Variants in PIP5K1A observed in about 807,000 individuals in gnomAD.
PIP5K1A encodes phosphatidylinositol-4-phosphate 5-kinase type 1 alpha, also known as phosphatidylinositol 4-phosphate 5-kinase type-1 alpha.
A neutral mutation model predicts 72.9 loss-of-function variants in PIP5K1A; 46 were observed. The observed-to-expected ratio is 0.63, with a 90% confidence interval of 0.50 to 0.81. PIP5K1A has a LOEUF of 0.81. Ranked by LOEUF, PIP5K1A falls within the 30% of genes least tolerant of loss-of-function variation. The pLI is 0.00. For synonymous variants in PIP5K1A, 228 were observed against 255.1 expected (o/e 0.89, Z 1.01); for missense variants, 458 against 706.1 (o/e 0.65, Z 3.98).
chr1:151,215,898 T>G, intron 1 of PIP5K1A: 3 of 890,660 alleles, frequency 3.4e-6, no homozygotes, highest in Non-Finnish European at 4.9e-6. Flanking sequence ...ACATGTATGC[T>G]TATCATGCTG....
Position 151,247,877 on chromosome 1 carries a change from C to T in PIP5K1A, c.*12C>T, listed in dbSNP as rs1692744794. The T allele has an allele frequency of 6.2e-7, 1 of 1,609,482 alleles. No individual in the cohort carries two copies. Among genetic ancestry groups the T allele is most frequent in the Non-Finnish European group, 8.5e-7 (1 of 1,175,976 alleles). Reference sequence around the variant, plus strand: ...TCCCTTTTCAGTAAGCGCAAAGCCTCAGAAGACCTGGAACAAGATTCTGCC... The same window carrying T: ...TCCCTTTTCAGTAAGCGCAAAGCCTTAGAAGACCTGGAACAAGATTCTGCC... On this transcript the variant is annotated 3_prime_UTR_variant, in exon 16 of 16. Coordinates refer to ENST00000368888, the MANE Select transcript of PIP5K1A (RefSeq NM_001135638.2).
At chr1:151,229,030 C>T (rs1244546170) in intron 4 of PIP5K1A, among the ~76,000 whole-genome samples, 1 of 151,144 alleles carries the variant, frequency 6.6e-6, no homozygotes, top group Non-Finnish European at 1.5e-5. Context: ...TAGCTGGGCG[C>T]GGTGGTGGGC....
chr1:151,246,757 C>T (rs1208349762), intron 14 of PIP5K1A, among the ~76,000 whole-genome samples, 163 bp from the exon 15 acceptor site: 1 of 152,174 alleles, frequency 6.6e-6, no homozygotes, highest in East Asian at 1.9e-4. Context: ...TTAATTAAAA[C>T]AGTGTGCTTC....
intron 4 of PIP5K1A, among the ~76,000 whole-genome samples, chr1:151,229,923 A>AC (rs947133248): frequency 2.6e-5 from 4 of 151,682 alleles, no homozygotes; most frequent in African/African-American, 9.7e-5. Context: ...CTCTACTAAA[A>AC]AAAAAATACA....
chr1:151,226,979 A>G (rs1222735791), intron 3 of PIP5K1A, among the ~76,000 whole-genome samples: 1 of 152,170 alleles, frequency 6.6e-6, no homozygotes, highest in Non-Finnish European at 1.5e-5. Context: ...GTGAGCTGAG[A>G]TTGTGCCACC....
At chr1:151,196,665 C>T (rs1307270658), upstream of PIP5K1A, among the ~76,000 whole-genome samples, 6 of 150,528 alleles carry the variant, frequency 4.0e-5, no homozygotes, top group African/African-American at 1.5e-4. Context: ...ATCAATTCTC[C>T]TGCCTCAGCC....
intron 1 of PIP5K1A, among the ~76,000 whole-genome samples, chr1:151,207,593 G>A (rs1265618988): frequency 6.7e-6 from 1 of 150,230 alleles, no homozygotes; most frequent in African/African-American, 2.5e-5. Flanking sequence ...GTGCAGTGGC[G>A]TGATCTCGGC....
intron 1 of PIP5K1A, among the ~76,000 whole-genome samples, chr1:151,205,368 GT>G (rs1685786326): frequency 6.6e-6 from 1 of 151,992 alleles, no homozygotes; most frequent in Non-Finnish European, 1.5e-5. Flanking sequence ...TAGAGGCGGG[GT>G]TTCCCCATGT....
chr1:151,207,855 A>G (rs1172709825), intron 1 of PIP5K1A, among the ~76,000 whole-genome samples: 3 of 123,240 alleles, frequency 2.4e-5, no homozygotes, highest in Non-Finnish European at 5.1e-5. Flanking sequence ...CTTAATAAAT[A>G]TGTTGCTCCT....
intron 1 of PIP5K1A, among the ~76,000 whole-genome samples, chr1:151,213,053 G>A (rs979476259): frequency 6.6e-5 from 10 of 151,682 alleles, no homozygotes; most frequent in Admixed American, 5.3e-4. Flanking sequence ...ACCACGCCCG[G>A]CTATTTTATT....
intron 3 of PIP5K1A, among the ~76,000 whole-genome samples, chr1:151,225,231 G>A (rs1688933568): frequency 6.6e-6 from 1 of 152,046 alleles, no homozygotes; most frequent in Admixed American, 6.6e-5. Context: ...GATTGCTTGA[G>A]CCCAGGAGGT....
chr1:151,246,422 T>C (rs1692520847), intron 14 of PIP5K1A, among the ~76,000 whole-genome samples: 1 of 152,062 alleles, frequency 6.6e-6, no homozygotes, highest in Non-Finnish European at 1.5e-5. Flanking sequence ...CACATCGCCC[T>C]ATCCATAGCC....
At chr1:151,218,104 T>TA (rs1687898412) in intron 1 of PIP5K1A, among the ~76,000 whole-genome samples, 1 of 152,116 alleles carries the variant, frequency 6.6e-6, no homozygotes, top group Non-Finnish European at 1.5e-5. Context: ...AATGTCTTGT[T>TA]ACAAAGACAA....
chr1:151,230,840 A>C (rs924757786), intron 4 of PIP5K1A, among the ~76,000 whole-genome samples: 8 of 152,090 alleles, frequency 5.3e-5, no homozygotes, highest in Admixed American at 3.3e-4. Flanking sequence ...GCCCGCGCCC[A>C]CCCCACCCTG....
chr1:151,235,221 T>A (rs1056149229), intron 8 of PIP5K1A, among the ~76,000 whole-genome samples: 1 of 152,184 alleles, frequency 6.6e-6, no homozygotes, highest in African/African-American at 2.4e-5. Flanking sequence ...TAGCTGGGAT[T>A]ACAGGCGCCC....
chr1:151,207,458 T>C (rs1686092589), intron 1 of PIP5K1A, among the ~76,000 whole-genome samples: 1 of 152,146 alleles, frequency 6.6e-6, no homozygotes, highest in African/African-American at 2.4e-5. Context: ...GTTATTTTAA[T>C]TTAACTCCCT....
intron 1 of PIP5K1A, among the ~76,000 whole-genome samples, chr1:151,221,368 C>A (rs1272833927): frequency 1.3e-5 from 2 of 152,110 alleles, no homozygotes; most frequent in Non-Finnish European, 2.9e-5. Flanking sequence ...TAAAATTGAG[C>A]CAGTGTGGAG....
intron 1 of PIP5K1A, among the ~76,000 whole-genome samples, chr1:151,207,847 TAATA>T (rs1686156965): frequency 6.9e-6 from 1 of 144,968 alleles, no homozygotes; most frequent in Non-Finnish European, 1.5e-5. Context: ...AGATTAATCT[TAATA>T]AATATGTTGC....
At chr1:151,241,361 G>A (rs764350229) in intron 12 of PIP5K1A, among the ~76,000 whole-genome samples, 7 of 151,094 alleles carry the variant, frequency 4.6e-5, no homozygotes, top group East Asian at 2.0e-4. Flanking sequence ...AAAATTAGCC[G>A]GGCATGGTGG....
Sources: allele counts gnomAD v4.1 joint callset (sites outside exome capture counted in the v4.1 genomes callset), GRCh38; gene constraint gnomAD v4.1.1; transcripts MANE v1.5; gene names NCBI Gene and HGNC (gene_info 2026-07-23, HGNC 2026-07-21).